The following SSX5 variants were observed in gnomAD, a reference collection of about 807,000 sequenced individuals.
SSX5 encodes SSX family member 5.
Under a neutral mutation model 14.9 loss-of-function variants are expected in SSX5, and 14 were observed. The ratio of observed to expected loss-of-function variants is 0.94; its 90% confidence interval spans 0.62 to 1.47. The LOEUF (loss-of-function observed/expected upper bound fraction) is 1.47. Ranked by LOEUF, SSX5 falls within the 40% of genes most tolerant of loss-of-function variation. The pLI, the probability that SSX5 is intolerant of heterozygous loss-of-function variation, is 0.00. For synonymous variants in SSX5, 70 were observed against 55.4 expected, an observed-to-expected ratio of 1.26 and a Z score of -1.17; for missense variants, 204 against 154.6, an observed-to-expected ratio of 1.32 and a Z score of -1.70.
intron 3 of SSX5, among the ~76,000 whole-genome samples, chrX:48,194,485 A>G (rs1193675781): frequency 9.1e-6 from 1 of 110,075 alleles, no homozygotes; most frequent in Non-Finnish European, 1.9e-5. Flanking sequence ...GATGCCACAG[A>G]GACAGTTGGG....
At chrX:48,192,658 G>A (rs2059424701) in intron 4 of SSX5, among the ~76,000 whole-genome samples, 1 of 112,456 alleles carries the variant, frequency 8.9e-6, no homozygotes, top group South Asian at 3.7e-4. Context: ...TATGGTATGT[G>A]AATTAAGCTG....
intron 1 of SSX5, among the ~76,000 whole-genome samples, chrX:48,196,440 C>T (rs782038760): frequency 1.9e-5 from 2 of 103,063 alleles, no homozygotes; most frequent in Non-Finnish European, 3.9e-5. Flanking sequence ...GGTGCACTGG[C>T]GTGATCATGG....
chrX:48,190,228 T>C lies in SSX5; in HGVS notation c.371A>G (p.Lys124Arg). The change falls in exon 6 of 8, where the codon AAG becomes AGG. Residue 124 changes from lysine to arginine, a missense_variant. Transcript: ENST00000347757. The part of the protein sequence containing the change: ...EKPAEEGNDS[K>R]GVPEASGPQN... ...TGGGCCAGATGCTTCTGGCACTCCC[T>C]TCGAATCATTTCCTTCCTCTGCTGG... is the stretch of plus-strand genomic sequence containing the variant. The C allele has an allele frequency of 8.3e-7, 1 of 1,205,915 alleles. No homozygotes were observed. The highest frequency in any genetic ancestry group is 1.1e-6 in the Non-Finnish European group (1 of 893,318).
intron 1 of SSX5, 53 bp from the exon 2 acceptor site, chrX:48,195,431 G>C (rs1350234912): frequency 9.0e-7 from 1 of 1,116,733 alleles, no homozygotes; most frequent in Non-Finnish European, 1.2e-6. Flanking sequence ...TGGTCCCATG[G>C]AGGGAGAAAT....
intron 6 of SSX5, among the ~76,000 whole-genome samples, chrX:48,188,287 T>C (rs1489023437): frequency 2.7e-5 from 3 of 112,582 alleles, no homozygotes; most frequent in Admixed American, 9.5e-5. Context: ...TATATACTTA[T>C]GGGATACATG....
At chrX:48,190,529 T>C (rs1456557212) in intron 5 of SSX5, among the ~76,000 whole-genome samples, 1 of 111,786 alleles carries the variant, frequency 8.9e-6, no homozygotes, top group East Asian at 2.8e-4. Flanking sequence ...ACAGCAAATA[T>C]CTCCATGTAA....
chrX:48,194,706 C>A (rs1487544434), intron 3 of SSX5, 34 bp downstream of exon 3: 1 of 1,169,025 alleles, frequency 8.6e-7, no homozygotes, highest in African/African-American at 1.8e-5. Context: ...GCTCATGTAT[C>A]CCCAGACTGT....
At position 48,192,537 on chromosome X, in the gene SSX5, T is replaced by C. The variant is rs1214736737; in HGVS notation, c.281-256A>G. 7.1e-5 allele frequency among the ~76,000 whole-genome samples: 8 copies of C among 112,573 alleles called. No individual in the cohort carries two copies. In the Admixed American group the frequency reaches 7.6e-4, roughly 11 times the overall value. On this transcript the variant is annotated intron_variant, in intron 4 of 7. Transcript: ENST00000347757. ...CACAGTCTCATCTTTTTCCATTACATATCTTTTACTTATTCTCAAATAATT... is the reference window on the plus strand; with the variant it reads ...CACAGTCTCATCTTTTTCCATTACACATCTTTTACTTATTCTCAAATAATT...
intron 2 of SSX5, 77 bp from the exon 3 acceptor site, chrX:48,194,931 G>A (rs1345722670): frequency 4.1e-6 from 5 of 1,207,727 alleles, no homozygotes; most frequent in Non-Finnish European, 5.6e-6. Flanking sequence ...CTTCCTGTGT[G>A]CTGGATCTGG....
At position 48,186,763 on chromosome X, in the gene SSX5, A is replaced by G. The variant is rs782560962; in HGVS notation, c.*98T>C. On this transcript the variant is annotated 3_prime_UTR_variant, in exon 8 of 8. Coordinates refer to ENST00000347757, the MANE Select transcript of SSX5 (RefSeq NM_175723.2). ...GTGAACACTTGCTTTCACTTGCTAT[A>G]CACCTGATGACGAGGGATCCGCAGC... 185 of 1,188,637 alleles carry G rather than the reference A, an allele frequency of 1.6e-4. 1 individual carries two copies. Among genetic ancestry groups the G allele is most frequent in the Admixed American group, 1.1e-3 (50 of 45,732 alleles).
Position 48,186,415 on chromosome X carries a change from C to CGT in SSX5, c.*445_*446insAC, listed in dbSNP as rs2059397448. ...GTGTGTGTGTGTGTGCGCGCGCGCG[C>CGT]GCATGTGTGTCTGTGTGGCATGTGT... On this transcript the variant is annotated 3_prime_UTR_variant, in exon 8 of 8. Transcript: ENST00000347757. 17 of 268,516 alleles carry CGT rather than the reference C, an allele frequency of 6.3e-5. No individual in the cohort carries two copies. Among genetic ancestry groups the CGT allele is most frequent in the African/African-American group, 8.7e-5 (3 of 34,330 alleles). The allele number at this position is 268,516 out of a possible 1,213,427, so 22.1% of individuals were successfully genotyped here.
At chrX:48,189,569 A>G (rs1371392472) in intron 6 of SSX5, among the ~76,000 whole-genome samples, 1 of 112,476 alleles carries the variant, frequency 8.9e-6, no homozygotes, top group Non-Finnish European at 1.9e-5. Context: ...TTATTTTAAA[A>G]TTAAGATATA....
chrX:48,195,815 G>C (rs1431371190), intron 1 of SSX5, among the ~76,000 whole-genome samples: 1 of 111,447 alleles, frequency 9.0e-6, no homozygotes, highest in Admixed American at 9.5e-5. Context: ...TCTGGTGATG[G>C]ATCTGATCAG....
At chrX:48,194,942 G>A (rs2059434768) in intron 2 of SSX5, 88 bp from the exon 3 acceptor site, 1 of 1,208,080 alleles carries the variant, frequency 8.3e-7, no homozygotes. Flanking sequence ...CTGGATCTGG[G>A]AAGTAGGGAT....
rs370873362 is a variant in SSX5, at chrX:48,190,202, G to T, written c.397C>A (p.Gln133Lys). The T allele has an allele frequency of 8.3e-7, 1 of 1,207,285 alleles. No homozygotes were observed. The highest frequency in any genetic ancestry group is 1.1e-6 in the Non-Finnish European group (1 of 894,065). ...SKGVPEASGP[Q>K]NNGKQLRPSG... is the part of the protein sequence containing the mutation. ...GGGCGCAGCTGTTTCCCATTGTTCT[G>T]TGGGCCAGATGCTTCTGGCACTCCC... Residue 133 changes from glutamine (Q) to lysine (K), a missense_variant, in exon 6 of 8, where the codon CAG (glutamine) becomes AAG (lysine). Physicochemically the swap from Gln to Lys is moderately conservative, Grantham distance 53. Coordinates refer to ENST00000347757, the MANE Select transcript of SSX5 (RefSeq NM_175723.2).
At chrX:48,188,272 A>G (rs1169371710) in intron 6 of SSX5, among the ~76,000 whole-genome samples, 1 of 112,306 alleles carries the variant, frequency 8.9e-6, no homozygotes, top group East Asian at 2.8e-4. Flanking sequence ...GGTACACAGT[A>G]GGTGTATATA....
intron 1 of SSX5, among the ~76,000 whole-genome samples, chrX:48,196,152 G>A (rs1298354183): frequency 9.0e-6 from 1 of 110,809 alleles, no homozygotes; most frequent in Non-Finnish European, 1.9e-5. Context: ...GCTGGGGGTG[G>A]TGTAGCAGGC....
chrX:48,188,106 CA>C (rs2059405993), intron 6 of SSX5, among the ~76,000 whole-genome samples: 1 of 110,437 alleles, frequency 9.1e-6, no homozygotes, highest in South Asian at 3.7e-4. Flanking sequence ...ACAGATGTTG[CA>C]ATTTTTTTTT....
chrX:48,187,223 A>G (rs782124626), intron 7 of SSX5, among the ~76,000 whole-genome samples: 1 of 111,448 alleles, frequency 9.0e-6, no homozygotes, highest in East Asian at 2.8e-4. Context: ...TGGGAGGCGG[A>G]GGCAGATGGA....
Sources: allele counts gnomAD v4.1 joint callset (sites outside exome capture counted in the v4.1 genomes callset), GRCh38; gene constraint gnomAD v4.1.1; transcripts MANE v1.5; gene names NCBI Gene and HGNC (gene_info 2026-07-23, HGNC 2026-07-21).